The following SORCS1 variants were observed in gnomAD, a reference collection of about 807,000 sequenced individuals.
SORCS1 encodes the protein sortilin related VPS10 domain containing receptor 1, also known as VPS10 domain-containing receptor SorCS1.
In SORCS1, 60 loss-of-function variants were observed where a neutral mutation model predicts 146.1. The ratio of observed to expected loss-of-function variants is 0.41; its 90% CI spans 0.33 to 0.51. The LOEUF is 0.51. Ranked by LOEUF, SORCS1 falls within the 20% of genes least tolerant of loss-of-function variation. SORCS1 has a pLI of 0.21. For missense variants in SORCS1, 1,352 were observed against 1,487.6 expected (o/e 0.91, Z 1.50); for synonymous variants, 637 against 584.0 (o/e 1.09, Z -1.31).
chr10:107,157,818 T>TG (rs533872526), intron 1 of SORCS1, among the ~76,000 whole-genome samples: 49 of 152,320 alleles, frequency 3.2e-4, no homozygotes, highest in Middle Eastern at 3.4e-3. Flanking sequence ...TGCACTTTTA[T>TG]GGAGCCTGGC....
the SORCS1 span, among the ~76,000 whole-genome samples, chr10:107,177,605 T>G: frequency 6.6e-6 from 1 of 152,246 alleles, no homozygotes; most frequent in South Asian, 2.1e-4. Context: ...TTTTTTTACT[T>G]TAAAAAGATT....
At chr10:106,607,143 G>A (rs780333148) in intron 23 of SORCS1, 23 bp downstream of exon 23, 42 of 1,611,902 alleles carry the variant, frequency 2.6e-5, no homozygotes, top group East Asian at 6.7e-5. Context: ...AGCTGAAAAC[G>A]TCTCCTTTTC....
At chr10:107,069,094 A>T (rs1590063367) in intron 1 of SORCS1, among the ~76,000 whole-genome samples, 1 of 152,244 alleles carries the variant, frequency 6.6e-6, no homozygotes, top group South Asian at 2.1e-4. Flanking sequence ...CTCAATCCAA[A>T]ATGTGTGTTG....
intron 4 of SORCS1, among the ~76,000 whole-genome samples, chr10:106,765,372 G>C (rs1208621427): frequency 2.1e-5 from 3 of 145,120 alleles, no homozygotes; most frequent in African/African-American, 7.3e-5. Flanking sequence ...TCTCCTGAAG[G>C]GTTTTTTTTT....
intron 17 of SORCS1, among the ~76,000 whole-genome samples, chr10:106,659,489 G>A (rs1389253960): frequency 6.6e-6 from 1 of 152,122 alleles, no homozygotes; most frequent in African/African-American, 2.4e-5. Flanking sequence ...ATATGAATTT[G>A]TTTTCTATCT....
Position 107,035,279 on chromosome 10 carries a change from C to CAA in SORCS1, c.559-78701_559-78700dup, listed in dbSNP as rs11458224. On this transcript the variant is annotated intron_variant, in intron 1 of 25. Coordinates refer to ENST00000263054, the MANE Select transcript of SORCS1 (RefSeq NM_052918.5). The stretch of plus-strand genomic sequence containing the variant: ...TGAAGCTTCAAAAAAAAAAAAACAA[C>CAA]AAAAAAAAAAACACAGAAAAACTTC... Among the ~76,000 whole-genome samples, 115 of 128,598 alleles carry CAA rather than the reference C, an allele frequency of 8.9e-4. 1 individual carries two copies. Among genetic ancestry groups the CAA allele is most frequent in the East Asian group, 6.2e-3 (29 of 4,656 alleles). 84.4% of individuals were successfully genotyped at this position (128,598 alleles called of 152,430 possible). A position where few individuals can be genotyped will look rare whatever the true frequency, so the allele number is the denominator to read the frequency against.
Position 106,601,763 on chromosome 10 carries a change from T to C in SORCS1, c.3166-4313A>G, listed in dbSNP as rs1846256171. The stretch of plus-strand genomic sequence containing the variant: ...GCTGGTGGAGCGGCCATCACAAGCA[T>C]TTCCATTCATTACATACAGCACAAG... On this transcript the variant is annotated intron_variant, in intron 23 of 25. Transcript: ENST00000263054. Among the ~76,000 whole-genome samples the C allele has an allele frequency of 2.0e-5, 3 of 152,188 alleles. No homozygotes were observed. In the South Asian group the frequency reaches 6.2e-4, roughly 32 times the overall value.
intron 1 of SORCS1, among the ~76,000 whole-genome samples, chr10:106,962,451 T>A (rs1435487105): frequency 6.8e-5 from 10 of 147,690 alleles, no homozygotes; most frequent in South Asian, 4.3e-4. Context: ...TGGGGACATA[T>A]CTCTTCACTC....
At chr10:107,032,821 G>A (rs776501609) in intron 1 of SORCS1, among the ~76,000 whole-genome samples, 2 of 152,044 alleles carry the variant, frequency 1.3e-5, no homozygotes, top group African/African-American at 2.4e-5. Flanking sequence ...TTCACTCTGC[G>A]CACTTAAACT....
intron 2 of SORCS1, among the ~76,000 whole-genome samples, chr10:106,845,873 G>A (rs1267123875): frequency 1.0e-5 from 1 of 99,326 alleles, no homozygotes; most frequent in Non-Finnish European, 2.4e-5. Context: ...TCTCAGGTTT[G>A]TCAAAGATCA....
intron 3 of SORCS1, among the ~76,000 whole-genome samples, chr10:106,781,139 C>A (rs1222475113): frequency 6.6e-6 from 1 of 152,074 alleles, no homozygotes; most frequent in South Asian, 2.1e-4. Context: ...GTTGTCGTCT[C>A]CTGCGGGCCT....
intron 15 of SORCS1, among the ~76,000 whole-genome samples, chr10:106,672,567 C>T (rs1382583393): frequency 6.6e-6 from 1 of 152,172 alleles, no homozygotes; most frequent in Non-Finnish European, 1.5e-5. Flanking sequence ...ATATGACATT[C>T]TCAGATGAAA....
intron 2 of SORCS1, among the ~76,000 whole-genome samples, chr10:106,908,768 G>A (rs1281086654): frequency 6.6e-6 from 1 of 152,182 alleles, no homozygotes; most frequent in Non-Finnish European, 1.5e-5. Flanking sequence ...TGAGCAGGCT[G>A]CACAGCTCCG....
At chr10:106,602,914 T>G (rs761253917) in intron 23 of SORCS1, among the ~76,000 whole-genome samples, 11 of 152,226 alleles carry the variant, frequency 7.2e-5, no homozygotes, top group Non-Finnish European at 1.3e-4. Context: ...CCCTGCTCCC[T>G]ATCGAGATCT....
upstream of SORCS1, among the ~76,000 whole-genome samples, chr10:107,168,182 C>A (rs764935191): frequency 3.9e-5 from 6 of 152,140 alleles, no homozygotes; most frequent in Non-Finnish European, 5.9e-5. Context: ...GTGACCTTTG[C>A]ACATGCTGTT....
chr10:106,667,934 A>T (rs867479196), intron 16 of SORCS1, 132 bp from the exon 17 acceptor site: 1 of 620,836 alleles, frequency 1.6e-6, no homozygotes, highest in Non-Finnish European at 2.8e-6. Flanking sequence ...CAAAAAAAAA[A>T]AACACAAGCA....
intron 1 of SORCS1, among the ~76,000 whole-genome samples, chr10:107,031,727 C>T (rs1031190006): frequency 3.3e-5 from 5 of 152,022 alleles, no homozygotes; most frequent in Non-Finnish European, 5.9e-5. Flanking sequence ...CCCTCCTCGC[C>T]CTGTCAAAGT....
At chr10:106,773,786 A>G (rs1860211371) in intron 4 of SORCS1, among the ~76,000 whole-genome samples, 1 of 152,050 alleles carries the variant, frequency 6.6e-6, no homozygotes, top group South Asian at 2.1e-4. Flanking sequence ...CGTCTCTACT[A>G]AAGATACAAA....
At position 106,633,953 on chromosome 10, in the gene SORCS1, T is replaced by A. The variant is rs146121446; in HGVS notation, c.2476-4565A>T. 2.8e-3 allele frequency among the ~76,000 whole-genome samples: 431 copies of A among 152,328 alleles called. 2 individuals are homozygous for A. Among genetic ancestry groups the A allele is most frequent in the African/African-American group, 9.7e-3 (404 of 41,570 alleles). On this transcript the variant is annotated intron_variant, in intron 18 of 25. Transcript: ENST00000263054. The stretch of plus-strand genomic sequence containing the variant: ...AGGCCCTCTCATTCTGATTGTTGAA[T>A]ATTAGGTCTTCTTGTGGTCGGATAC...
Sources: allele counts gnomAD v4.1 joint callset (sites outside exome capture counted in the v4.1 genomes callset), GRCh38; gene constraint gnomAD v4.1.1; transcripts MANE v1.5; gene names NCBI Gene and HGNC (gene_info 2026-07-23, HGNC 2026-07-21).